The following TTPA variants were observed in gnomAD, a reference collection of about 807,000 sequenced individuals.
TTPA encodes the protein alpha-tocopherol transfer protein.
A neutral mutation model predicts 25.9 loss-of-function variants in TTPA; 23 were observed. That is an observed-to-expected ratio of 0.89 (90% CI 0.64 to 1.26). The LOEUF (loss-of-function observed/expected upper bound fraction) is 1.26, where lower values mean the gene tolerates loss of function less well. Ranked by LOEUF, TTPA falls within the 50% of genes most tolerant of loss-of-function variation. TTPA has a pLI of 0.00. For synonymous variants in TTPA, 148 were observed against 137.3 expected (o/e 1.08, Z -0.54); for missense variants, 337 against 353.1 (o/e 0.95, Z 0.37).
In TTPA at chr8:63,065,918, C is replaced by T; in HGVS notation, c.538G>A (p.Ala180Thr). 1 of 1,614,034 alleles carries T rather than the reference C, an allele frequency of 6.2e-7. No individual in the cohort carries two copies. Among genetic ancestry groups the T allele is most frequent in the Non-Finnish European group, 8.5e-7 (1 of 1,179,968 alleles). The change falls in exon 3 of 5, where the codon GCT becomes ACT. Residue 180 changes from alanine to threonine, a missense_variant. By Grantham distance (58) the Ala-to-Thr change is moderately conservative. Transcript: ENST00000260116. ...TATACATTTACCGTAAGTACAGCAG[C>T]AATCTTCTTGGCTACGGATGGAGTG... The part of the protein sequence containing the change: ...QITPSVAKKI[A>T]AVLTDSFPLK...
Position 63,086,008 on chromosome 8 carries a change from C to A in TTPA, c.14G>T (p.Arg5Leu). MAEA[R>L]SQPSAGPQLN... ...CTGCGGCCCCGCCGAGGGCTGGGAT[C>A]GCGCCTCTGCCATGCCCGCCGCCGC... Residue 5 changes from arginine (R) to leucine (L), a missense_variant, in exon 1 of 5, where the codon CGA becomes CTA. Transcript: ENST00000260116. The A allele has an allele frequency of 6.8e-7, 1 of 1,470,416 alleles. No homozygotes were observed. Among genetic ancestry groups the A allele is most frequent in the Non-Finnish European group, 8.9e-7 (1 of 1,117,916 alleles). 91.1% of individuals were successfully genotyped at this position (1,470,416 alleles called of 1,614,324 possible).
intron 1 of TTPA, among the ~76,000 whole-genome samples, chr8:63,079,031 A>G (rs1468568546): frequency 3.9e-5 from 6 of 152,232 alleles, no homozygotes; most frequent in South Asian, 2.1e-4. Context: ...GGGGGCCAAC[A>G]TTCAACATTC....
Position 63,061,201 on chromosome 8 carries a change from G to C in TTPA, c.*51C>G. The C allele has an allele frequency of 6.4e-7, 1 of 1,553,388 alleles. No homozygotes were observed. The highest frequency in any genetic ancestry group is 8.9e-7 in the Non-Finnish European group (1 of 1,129,894). ...TTCTTTCATTCATTTAACCAGGTTG[G>C]ATATCACTCATGTATTTTTAGTTAG... On this transcript the variant is annotated 3_prime_UTR_variant, in exon 5 of 5. Coordinates refer to ENST00000260116, the MANE Select transcript of TTPA (RefSeq NM_000370.3).
At chr8:63,076,279 T>C (rs1361043077) in intron 1 of TTPA, among the ~76,000 whole-genome samples, 2 of 152,212 alleles carry the variant, frequency 1.3e-5, no homozygotes, top group Non-Finnish European at 2.9e-5. Flanking sequence ...CCTTATTAAT[T>C]CATCATAACT....
intron 2 of TTPA, among the ~76,000 whole-genome samples, chr8:63,072,474 G>A (rs1324187534): frequency 1.3e-5 from 2 of 152,174 alleles, no homozygotes; most frequent in Non-Finnish European, 2.9e-5. Context: ...TGTTGGCCAG[G>A]TTGGTCTCGA....
At chr8:63,078,463 C>A (rs1020554551) in intron 1 of TTPA, among the ~76,000 whole-genome samples, 1 of 152,054 alleles carries the variant, frequency 6.6e-6, no homozygotes, top group African/African-American at 2.4e-5. Flanking sequence ...GAATGGCAAA[C>A]TAGAATAAAC....
downstream of TTPA, among the ~76,000 whole-genome samples, chr8:63,059,032 T>G (rs1045576929): frequency 3.2e-5 from 4 of 124,936 alleles, no homozygotes; most frequent in African/African-American, 1.3e-4. Flanking sequence ...TTTTTTTTTT[T>G]TTTTTTTTTT....
Position 63,061,249 on chromosome 8 carries a change from T to G in TTPA, c.*3A>C, listed in dbSNP as rs1315786842. The G allele has an allele frequency of 7.4e-6, 12 of 1,613,152 alleles. No homozygotes were observed. Among genetic ancestry groups the G allele is most frequent in the Non-Finnish European group, 1.0e-5 (12 of 1,179,860 alleles). ...TAGGAAGCCATTCACATGACATAAC[T>G]TCTCATTGAATGCTCTCAGAAATGC... On this transcript the variant is annotated 3_prime_UTR_variant, in exon 5 of 5. Transcript: ENST00000260116.
chr8:63,084,158 T>A (rs986019502), intron 1 of TTPA, among the ~76,000 whole-genome samples: 7 of 152,300 alleles, frequency 4.6e-5, no homozygotes, highest in African/African-American at 1.7e-4. Context: ...AGTGCTGGGA[T>A]TGCAGGCCTG....
At chr8:63,063,435 C>T (rs915405455) in intron 4 of TTPA, among the ~76,000 whole-genome samples, 21 of 152,056 alleles carry the variant, frequency 1.4e-4, no homozygotes, top group Admixed American at 1.1e-3. Flanking sequence ...CCTCAGTTAC[C>T]GTGGTTCTCA....
intron 1 of TTPA, 55 bp downstream of exon 1, chr8:63,085,763 G>A: frequency 1.3e-6 from 2 of 1,518,270 alleles, no homozygotes; most frequent in South Asian, 1.2e-5. Flanking sequence ...TCGTGGGGCG[G>A]GGGACGGGGC....
At chr8:63,080,488 A>G (rs4289804) in intron 1 of TTPA, among the ~76,000 whole-genome samples, 92,550 of 151,998 alleles carry the variant, frequency 0.61, 29,737 homozygotes, top group African/African-American at 0.81. Context: ...TTGGGAGGCC[A>G]AGGCAGGCGG....
chr8:63,077,420 G>T (rs1805580818), intron 1 of TTPA, among the ~76,000 whole-genome samples: 1 of 152,236 alleles, frequency 6.6e-6, no homozygotes, highest in African/African-American at 2.4e-5. Flanking sequence ...GGGAAGCCAT[G>T]ACGGATGTAC....
intron 4 of TTPA, 126 bp from the exon 5 acceptor site, chr8:63,061,551 T>C: frequency 2.6e-6 from 2 of 780,484 alleles, no homozygotes; most frequent in Non-Finnish European, 4.2e-6. Context: ...ACCACATCCT[T>C]TATTCCTCTG....
At chr8:63,069,736 GAAA>G (rs34342892) in intron 2 of TTPA, among the ~76,000 whole-genome samples, 1 of 131,788 alleles carries the variant, frequency 7.6e-6, no homozygotes, top group Non-Finnish European at 1.6e-5. Context: ...CCCTAGCTTA[GAAA>G]AAAAAAAAAA....
At chr8:63,070,319 C>T (rs369787334) in intron 2 of TTPA, among the ~76,000 whole-genome samples, 38 of 152,286 alleles carry the variant, frequency 2.5e-4, no homozygotes, top group East Asian at 1.5e-3. Context: ...TTGCCCGGCC[C>T]GCATGGAGGA....
Position 63,061,385 on chromosome 8 carries a change from T to C in TTPA, c.704A>G (p.Gln235Arg). ...CAGAGGAAGAATGTCTGGGAAATGC[T>C]GAAGCAAGCTTTGTTTGTAGTTGTT... ...HGNNYKQSLL[Q>R]HFPDILPLEY... The change falls in exon 5 of 5, where the codon CAG (glutamine) becomes CGG (arginine). Residue 235 changes from glutamine to arginine, a missense_variant. Coordinates refer to ENST00000260116, the MANE Select transcript of TTPA (RefSeq NM_000370.3). 1 of 1,614,044 alleles carries C rather than the reference T, an allele frequency of 6.2e-7. No individual in the cohort carries two copies. Among genetic ancestry groups the C allele is most frequent in the Non-Finnish European group, 8.5e-7 (1 of 1,179,966 alleles).
chr8:63,064,160 G>T, intron 4 of TTPA, 46 bp downstream of exon 4: 2 of 1,364,384 alleles, frequency 1.5e-6, no homozygotes, highest in Non-Finnish European at 1.0e-6. Flanking sequence ...AAAAGGGTTG[G>T]AATGTTTGGT....
chr8:63,058,931 C>G (rs1185032160), downstream of TTPA, among the ~76,000 whole-genome samples: 1 of 125,702 alleles, frequency 8.0e-6, no homozygotes, highest in Non-Finnish European at 1.8e-5. Flanking sequence ...TGATTTTGTT[C>G]TTTTATTATT....
Sources: gnomAD v4.1 joint callset for allele counts (sites outside exome capture counted in the v4.1 genomes callset) on GRCh38, gnomAD v4.1.1 for gene constraint, MANE v1.5 for transcripts, NCBI Gene and HGNC (gene_info 2026-07-23, HGNC 2026-07-21) for gene names.